The following RARB variants were observed in gnomAD, a reference collection of about 807,000 sequenced individuals.
RARB encodes the protein retinoic acid receptor beta, also known as HBV-activated protein.
Under a neutral mutation model 51.9 loss-of-function variants are expected in RARB, and 17 were observed. The observed-to-expected ratio is 0.33, with a 90% CI of 0.22 to 0.49. The LOEUF (loss-of-function observed/expected upper bound fraction) is 0.49, where lower values mean the gene tolerates loss of function less well. Among genes scored for constraint, RARB ranks in the 20% least tolerant of loss-of-function variants. The pLI, the probability that RARB is intolerant of heterozygous loss-of-function variation, is 0.99. For missense variants in RARB, 369 were observed against 550.8 expected, an observed-to-expected ratio of 0.67 and a Z score of 3.30; for synonymous variants, 215 against 195.4, an observed-to-expected ratio of 1.10 and a Z score of -0.84.
At chr3:25,042,488 T>C (rs562024144) in intron 2 of RARB, among the ~76,000 whole-genome samples, 54 of 152,354 alleles carry the variant, frequency 3.5e-4, no homozygotes, top group Non-Finnish European at 7.1e-4. Flanking sequence ...CTCATGACTT[T>C]CTCTTCAGCC....
At chr3:25,245,599 A>G (rs966668102) in intron 5 of RARB, among the ~76,000 whole-genome samples, 1 of 152,072 alleles carries the variant, frequency 6.6e-6, no homozygotes, top group Non-Finnish European at 1.5e-5. Context: ...TGGATTGAAA[A>G]TTTTTTTATT....
At position 25,543,611 on chromosome 3, in the gene RARB, T is replaced by G. The variant is rs529275738; in HGVS notation, c.449-26147T>G. Among the ~76,000 whole-genome samples the G allele has an allele frequency of 4.7e-5, 7 of 149,440 alleles. No homozygotes were observed. In the Admixed American group the frequency reaches 4.8e-4, roughly 10 times the overall value. On this transcript the variant is annotated intron_variant, in intron 3 of 7. Transcript: ENST00000330688. ...CTGCCCATTGGCCATCTGTGGCCAT[T>G]TGGGGAACTATTAAGCAAGCAGCGC...
chr3:25,214,293 T>A (rs1387433979), intron 5 of RARB, among the ~76,000 whole-genome samples: 1 of 152,152 alleles, frequency 6.6e-6, no homozygotes, highest in Non-Finnish European at 1.5e-5. Context: ...CTTTGAGCGA[T>A]TAACTTGAGC....
At chr3:25,258,133 T>C (rs1702911500) in intron 5 of RARB, among the ~76,000 whole-genome samples, 1 of 152,098 alleles carries the variant, frequency 6.6e-6, no homozygotes, top group Non-Finnish European at 1.5e-5. Context: ...AGAGGCATGG[T>C]AGAAAGGATT....
intron 1 of RARB, among the ~76,000 whole-genome samples, chr3:25,456,680 T>TAGAGAGAGAG (rs1457174762): frequency 1.2e-4 from 12 of 99,970 alleles, no homozygotes; most frequent in South Asian, 3.5e-4. Flanking sequence ...TATATATATA[T>TAGAGAGAGAG]ATAGAGAGAG....
intron 4 of RARB, among the ~76,000 whole-genome samples, chr3:25,155,142 G>A (rs964133911): frequency 1.6e-4 from 24 of 151,868 alleles, no homozygotes; most frequent in Non-Finnish European, 1.0e-4. Context: ...ATGAAATATT[G>A]CTTCCCCAAT....
intron 2 of RARB, among the ~76,000 whole-genome samples, chr3:24,928,621 C>A (rs993734614): frequency 6.6e-6 from 1 of 151,952 alleles, no homozygotes; most frequent in Admixed American, 6.6e-5. Context: ...TTAAGCTTCT[C>A]AGCAAAAAGT....
intron 1 of RARB, among the ~76,000 whole-genome samples, chr3:25,437,084 A>G (rs1436521017): frequency 6.7e-5 from 10 of 148,844 alleles, no homozygotes; most frequent in Non-Finnish European, 5.9e-5. Context: ...TTGGCATGAC[A>G]CCTGTGGCTT....
chr3:25,492,367 A>G (rs1696784148), intron 2 of RARB, among the ~76,000 whole-genome samples: 1 of 152,208 alleles, frequency 6.6e-6, no homozygotes, highest in Non-Finnish European at 1.5e-5. Context: ...ACCTAGTAAC[A>G]TTTCTTCCCT....
intron 5 of RARB, among the ~76,000 whole-genome samples, chr3:25,220,706 C>T (rs1701928610): frequency 1.3e-5 from 2 of 152,170 alleles, no homozygotes; most frequent in South Asian, 4.1e-4. Context: ...TGTAAGTTTC[C>T]TGAGGCCTCC....
At chr3:25,063,534 A>T (rs77675533) in intron 3 of RARB, among the ~76,000 whole-genome samples, 3,855 of 152,106 alleles carry the variant, frequency 0.025, 146 homozygotes, top group African/African-American at 0.086. Context: ...AGGTAAAAAA[A>T]CAAAAATGTA....
intron 3 of RARB, among the ~76,000 whole-genome samples, chr3:25,554,933 C>A (rs1699996802): frequency 1.3e-5 from 2 of 152,218 alleles, no homozygotes; most frequent in South Asian, 4.1e-4. Flanking sequence ...CCTCTCATGA[C>A]CCATTAATCC....
chr3:24,869,681 C>T (rs1702911411), intron 2 of RARB, among the ~76,000 whole-genome samples: 1 of 152,058 alleles, frequency 6.6e-6, no homozygotes, highest in African/African-American at 2.4e-5. Flanking sequence ...TAGCGTAGCA[C>T]ATTCATTCTC....
intron 2 of RARB, among the ~76,000 whole-genome samples, chr3:25,034,908 G>A (rs771659139): frequency 3.9e-5 from 6 of 152,202 alleles, no homozygotes; most frequent in African/African-American, 7.2e-5. Flanking sequence ...AGTGGCAGCT[G>A]CTCACTTTAC....
intron 5 of RARB, among the ~76,000 whole-genome samples, chr3:25,184,087 A>C (rs1356484229): frequency 6.6e-6 from 1 of 152,120 alleles, no homozygotes. Flanking sequence ...TATGTTAATC[A>C]GATGAATCAA....
chr3:25,058,361 G>A (rs772596619), intron 2 of RARB, among the ~76,000 whole-genome samples: 11 of 151,732 alleles, frequency 7.2e-5, no homozygotes, highest in African/African-American at 2.2e-4. Flanking sequence ...TGCCACAAAA[G>A]GGTCTTTATA....
chr3:25,462,052 A>C (rs1559415225), intron 2 of RARB, among the ~76,000 whole-genome samples: 1 of 152,230 alleles, frequency 6.6e-6, no homozygotes, highest in Non-Finnish European at 1.5e-5. Context: ...TTCAAGGTTG[A>C]AACTGGGATT....
At chr3:25,416,347 C>T (rs1368222405) in intron 5 of RARB, among the ~76,000 whole-genome samples, 2 of 152,198 alleles carry the variant, frequency 1.3e-5, no homozygotes, top group African/African-American at 2.4e-5. Flanking sequence ...CAAGATTGCA[C>T]CACTGCACTC....
chr3:24,839,448 AT>A (rs995826091), intron 1 of RARB, among the ~76,000 whole-genome samples: 17 of 151,798 alleles, frequency 1.1e-4, no homozygotes, highest in Non-Finnish European at 2.2e-4. Flanking sequence ...CATGCCTATG[AT>A]CCCGACACTT....
Sources: allele counts gnomAD v4.1 joint callset (sites outside exome capture counted in the v4.1 genomes callset), GRCh38; gene constraint gnomAD v4.1.1; transcripts MANE v1.5; gene names NCBI Gene and HGNC (gene_info 2026-07-23, HGNC 2026-07-21).